Variants in SPOCK2 observed in about 807,000 individuals in gnomAD.
SPOCK2 encodes testican-2.
In SPOCK2, 39 loss-of-function variants were observed where a neutral mutation model predicts 60.1. That is an observed-to-expected ratio of 0.65 (90% confidence interval 0.50 to 0.85). The LOEUF (loss-of-function observed/expected upper bound fraction) is 0.85. SPOCK2 is among the 40% of genes least tolerant of loss of function. SPOCK2 has a pLI of 0.00. For missense variants in SPOCK2, 523 were observed against 567.4 expected, an observed-to-expected ratio of 0.92 and a Z score of 0.80; for synonymous variants, 217 against 231.5, an observed-to-expected ratio of 0.94 and a Z score of 0.57.
chr10:72,081,282 G>A (rs961691934), intron 1 of SPOCK2, among the ~76,000 whole-genome samples: 1 of 152,218 alleles, frequency 6.6e-6, no homozygotes, highest in African/African-American at 2.4e-5. Context: ...AGCGGAATAG[G>A]AGCCCGAACG....
At chr10:72,075,794 T>C (rs1328110420) in intron 1 of SPOCK2, among the ~76,000 whole-genome samples, 4 of 152,012 alleles carry the variant, frequency 2.6e-5, no homozygotes, top group African/African-American at 9.7e-5. Context: ...TGGATCTGGA[T>C]TCCAGGACCC....
At chr10:72,086,884 G>A (rs1365681146) in intron 1 of SPOCK2, 2 of 1,550,980 alleles carry the variant, frequency 1.3e-6, no homozygotes, top group Non-Finnish European at 1.7e-6. Flanking sequence ...TGAAGCATGT[G>A]TGTTTTAAAC....
At chr10:72,070,131 G>A in intron 5 of SPOCK2, 181 bp downstream of exon 5, 1 of 585,630 alleles carries the variant, frequency 1.7e-6, no homozygotes, top group Non-Finnish European at 3.0e-6. Flanking sequence ...CTCTCAGGTA[G>A]TTCCAGCCAG....
In SPOCK2 at chr10:72,067,728, A is replaced by G. The variant is rs139132836; in HGVS notation, c.594T>C (p.Thr198=). The change falls in exon 7 of 11, where the codon ACT becomes ACC. Residue 198 remains threonine, a synonymous_variant. Transcript: ENST00000373109. ...ATSTADGKPE[T]CTGQDLADLG... ...GGTCAGCCAGGTCCTGACCGGTGCA[A>G]GTCTCTGCAGAACAGAGAGAAGGCA... is the stretch of plus-strand genomic sequence containing the variant. The G allele has an allele frequency of 1.1e-4, 173 of 1,613,280 alleles. No individual in the cohort carries two copies. In the African/African-American group the frequency reaches 1.9e-3, roughly 18 times the overall value.
At position 72,088,245 on chromosome 10, in the gene SPOCK2, C is replaced by G. The variant is rs745828876; in HGVS notation, c.84G>C (p.Gly28=). ...TGCCGGGGGTCTCGCCCTCCTTGAG[C>G]CCCTTGGCGTCGCCTTCGGCCAGGG... The part of the protein sequence containing the change: ...AAALAEGDAK[G]LKEGETPGNF... Residue 28 remains glycine (G), a synonymous_variant, in exon 1 of 11, where the codon GGG becomes GGC. Transcript: ENST00000373109. 2 of 1,611,004 alleles carry G rather than the reference C, an allele frequency of 1.2e-6. No individual in the cohort carries two copies. The highest frequency in any genetic ancestry group is 2.7e-5 in the African/African-American group (2 of 74,834).
At chr10:72,076,822 A>T (rs1840720815) in intron 1 of SPOCK2, among the ~76,000 whole-genome samples, 1 of 152,232 alleles carries the variant, frequency 6.6e-6, no homozygotes. Flanking sequence ...TCAACACCAG[A>T]AGAAAGGAGA....
intron 1 of SPOCK2, among the ~76,000 whole-genome samples, chr10:72,082,252 A>C (rs1840795270): frequency 6.6e-6 from 1 of 152,226 alleles, no homozygotes; most frequent in Non-Finnish European, 1.5e-5. Context: ...AGAGGCTGGC[A>C]CACTTCAAGA....
intron 9 of SPOCK2, 69 bp from the exon 10 acceptor site, chr10:72,063,231 T>G (rs1375738864): frequency 6.5e-7 from 1 of 1,539,420 alleles, no homozygotes; most frequent in Non-Finnish European, 8.8e-7. Context: ...AGAGGTGACC[T>G]CAGGTCCTCA....
chr10:72,088,602 G>T, upstream of SPOCK2: 5 of 342,826 alleles, frequency 1.5e-5, no homozygotes, highest in Non-Finnish European at 5.2e-6. Context: ...CATCACGTTT[G>T]ACATCATCAT....
rs747222094 is a variant in SPOCK2 at position 72,064,252 on chromosome 10, G to C, written c.929-12C>G. The C allele has an allele frequency of 6.3e-7, 1 of 1,586,220 alleles. No individual in the cohort carries two copies. The highest frequency in any genetic ancestry group is 2.3e-5 in the East Asian group (1 of 44,044). ...CAGGCAGGGGGGCTCTGTGGGGAGA[G>C]AAGCAGCCTCTGATGGGACTGTCCC... is the stretch of plus-strand genomic sequence containing the variant. On this transcript the variant is annotated splice_polypyrimidine_tract_variant and intron_variant, in intron 8 of 10. Transcript: ENST00000373109.
intron 5 of SPOCK2, among the ~76,000 whole-genome samples, chr10:72,069,768 T>TA (rs1840619990): frequency 6.6e-6 from 1 of 152,226 alleles, no homozygotes; most frequent in Non-Finnish European, 1.5e-5. Context: ...TAAAATTTTT[T>TA]AAATGCTTTC....
intron 1 of SPOCK2, among the ~76,000 whole-genome samples, chr10:72,073,578 C>G (rs77767801): frequency 1.1e-4 from 17 of 152,222 alleles, no homozygotes; most frequent in Admixed American, 2.6e-4. Flanking sequence ...TCCAGCCCCC[C>G]CTTTGTGCCG....
intron 1 of SPOCK2, among the ~76,000 whole-genome samples, chr10:72,079,170 G>T: frequency 6.6e-6 from 1 of 152,222 alleles, no homozygotes; most frequent in Non-Finnish European, 1.5e-5. Context: ...CAATTGCACA[G>T]GAGAAGAGTG....
chr10:72,086,323 C>A, intron 1 of SPOCK2: 1 of 993,750 alleles, frequency 1.0e-6, no homozygotes, highest in Non-Finnish European at 1.2e-6. Context: ...GCCATGGGGT[C>A]AAGCAGTAAG....
intron 1 of SPOCK2, among the ~76,000 whole-genome samples, chr10:72,078,385 C>T (rs1344771712): frequency 3.3e-5 from 5 of 151,850 alleles, no homozygotes; most frequent in Admixed American, 1.3e-4. Flanking sequence ...ATGGCGGGCG[C>T]CTGTAGTCCC....
chr10:72,063,151 G>A lies in SPOCK2; in HGVS notation c.1003C>T (p.Pro335Ser). The A allele has an allele frequency of 1.3e-6, 2 of 1,556,664 alleles. No individual in the cohort carries two copies. The highest frequency in any genetic ancestry group is 8.7e-7 in the Non-Finnish European group (1 of 1,149,740). Residue 335 changes from proline (P) to serine (S), a missense_variant, in exon 10 of 11, where the codon CCG becomes TCG. By Grantham distance (74) the Pro-to-Ser change is moderately conservative. Transcript: ENST00000373109. ...AAKKKPGIFI[P>S]SCDEDGYYRK... Reference sequence around the variant, plus strand: ...TAGTAGCCATCCTCGTCGCAGCTCGGGATGAAGATGCCTGAATGAGACAGT... The same window carrying A: ...TAGTAGCCATCCTCGTCGCAGCTCGAGATGAAGATGCCTGAATGAGACAGT...
intron 8 of SPOCK2, 44 bp downstream of exon 8, chr10:72,066,858 C>T (rs1840574895): frequency 1.2e-6 from 2 of 1,609,228 alleles, no homozygotes; most frequent in East Asian, 2.2e-5. Context: ...TCGGGTAGAG[C>T]CCACACGGGT....
chr10:72,073,754 C>T (rs1243357933), intron 1 of SPOCK2, among the ~76,000 whole-genome samples: 1 of 152,232 alleles, frequency 6.6e-6, no homozygotes, highest in Non-Finnish European at 1.5e-5. Context: ...CTCTCAGGCC[C>T]GTGGACCGCA....
At position 72,088,168 on chromosome 10, in the gene SPOCK2, T is replaced by A; in HGVS notation, c.161A>T (p.Lys54Met). 1.2e-6 allele frequency: 2 copies of A among 1,613,108 alleles called. No individual in the cohort carries two copies. The highest frequency in any genetic ancestry group is 1.7e-6 in the Non-Finnish European group (2 of 1,179,656). The change falls in exon 1 of 11, where the codon AAG (lysine) becomes ATG (methionine). Residue 54 changes from lysine to methionine, a missense_variant. Transcript: ENST00000373109. ...WLSSISQYSG[K>M]IKHWNRFRDE... The stretch of plus-strand genomic sequence containing the variant: ...TCGGAAGCGGTTCCAGTGCTTGATC[T>A]TGCCGCTGTACTGCGAGATGGACGA...
Sources: gnomAD v4.1 joint callset for allele counts (sites outside exome capture counted in the v4.1 genomes callset) on GRCh38, gnomAD v4.1.1 for gene constraint, MANE v1.5 for transcripts, NCBI Gene and HGNC (gene_info 2026-07-23, HGNC 2026-07-21) for gene names.